Variants in TMEM132D observed in about 807,000 individuals in gnomAD.
The protein encoded by TMEM132D is transmembrane protein 132D, also known as mature OL transmembrane protein.
TMEM132D carries 21 observed loss-of-function variants against 62.3 expected under a neutral mutation model. That is an observed-to-expected ratio of 0.34 (90% CI 0.24 to 0.49). TMEM132D has a LOEUF of 0.49. Among genes scored for constraint, TMEM132D ranks in the 20% least tolerant of loss-of-function variants. TMEM132D has a pLI of 0.99. For synonymous variants in TMEM132D, 621 were observed against 575.6 expected (o/e 1.08, Z -1.13); for missense variants, 1,346 against 1,402.8 (o/e 0.96, Z 0.65).
chr12:129,212,216 G>A (rs768759951), intron 4 of TMEM132D: 15 of 152,180 alleles, frequency 9.9e-5, no homozygotes, highest in Non-Finnish European at 1.3e-4. Flanking sequence ...GAGAAATGAC[G>A]CTGGGAATGA....
chr12:129,850,250 G>A (rs978042573), intron 1 of TMEM132D, among the ~76,000 whole-genome samples: 4 of 152,156 alleles, frequency 2.6e-5, no homozygotes, highest in African/African-American at 9.7e-5. Flanking sequence ...TCACAGACAG[G>A]AGGAAGGAGC....
At chr12:129,087,978 CGGGTGTCCTCCATGACCG>C (rs1874696126) in intron 5 of TMEM132D, among the ~76,000 whole-genome samples, 4 of 49,134 alleles carry the variant, frequency 8.1e-5, no homozygotes, top group Non-Finnish European at 6.8e-5. Flanking sequence ...CCTCCATGAC[CGGGTGTCCTCCATGACCG>C]GGGTGTCCTC....
chr12:129,789,038 C>T (rs1039389079), intron 1 of TMEM132D, among the ~76,000 whole-genome samples: 6 of 152,110 alleles, frequency 3.9e-5, no homozygotes, highest in East Asian at 1.9e-4. Context: ...TTGCAAATCA[C>T]GGATGGTTTT....
At chr12:129,552,687 T>G (rs996281001) in intron 2 of TMEM132D, among the ~76,000 whole-genome samples, 1 of 152,188 alleles carries the variant, frequency 6.6e-6, no homozygotes, top group South Asian at 2.1e-4. Flanking sequence ...ATCCACCTAG[T>G]ATTTATCTGT....
chr12:129,437,769 T>C (rs1346193664), intron 3 of TMEM132D, among the ~76,000 whole-genome samples: 1 of 152,046 alleles, frequency 6.6e-6, no homozygotes, highest in South Asian at 2.1e-4. Flanking sequence ...CCTTAAGTTC[T>C]GGGATACATG....
At chr12:129,093,664 C>T (rs1055082540) in intron 5 of TMEM132D, among the ~76,000 whole-genome samples, 23 of 152,206 alleles carry the variant, frequency 1.5e-4, no homozygotes, top group African/African-American at 4.6e-4. Flanking sequence ...TGACTTTCTT[C>T]GCAGAATTGG....
intron 2 of TMEM132D, among the ~76,000 whole-genome samples, chr12:129,569,037 C>T (rs1005270829): frequency 1.3e-5 from 2 of 152,166 alleles, no homozygotes; most frequent in East Asian, 1.9e-4. Flanking sequence ...CTAACAAATG[C>T]TGCTGGTCCT....
At chr12:129,454,231 A>G (rs1173579765) in intron 3 of TMEM132D, among the ~76,000 whole-genome samples, 1 of 152,244 alleles carries the variant, frequency 6.6e-6, no homozygotes. Context: ...TATTGAGACT[A>G]CACTATGGAA....
intron 1 of TMEM132D, among the ~76,000 whole-genome samples, chr12:129,717,313 T>A (rs764742438): frequency 6.6e-6 from 1 of 152,212 alleles, no homozygotes; most frequent in Non-Finnish European, 1.5e-5. Context: ...TCTTTCATAT[T>A]TGACACATGG....
Position 129,732,063 on chromosome 12 carries a change from T to C in TMEM132D, c.80-31365A>G, listed in dbSNP as rs184951206. Among the ~76,000 whole-genome samples the C allele has an allele frequency of 1.1e-3, 174 of 152,274 alleles. 3 individuals carry two copies. The highest frequency in any genetic ancestry group is 4.0e-3 in the African/African-American group (168 of 41,536). ...TAGGCCGGCCTTAGTGGCTTGCTTC[T>C]AATTCGTAGACTCCTGTAGAAATGA... On this transcript the variant is annotated intron_variant, in intron 1 of 8. Coordinates refer to ENST00000422113, the MANE Select transcript of TMEM132D (RefSeq NM_133448.3).
intron 1 of TMEM132D, among the ~76,000 whole-genome samples, chr12:129,835,879 T>C (rs1211923573): frequency 6.6e-6 from 1 of 152,096 alleles, no homozygotes; most frequent in Non-Finnish European, 1.5e-5. Context: ...CTCTAGGGGC[T>C]CTCTTCCCCA....
In TMEM132D at chr12:129,509,539, C is replaced by T. The variant is rs536548953; in HGVS notation, c.1115+21520G>A. ...GATAAGTTATTACTGACTATAATCA[C>T]CCTGTTGTGCTATCAAATATTAGGT... is the stretch of plus-strand genomic sequence containing the variant. On this transcript the variant is annotated intron_variant, in intron 3 of 8. Transcript: ENST00000422113. 2.0e-5 allele frequency among the ~76,000 whole-genome samples: 3 copies of T among 152,156 alleles called. No homozygotes were observed. In the South Asian group the frequency reaches 6.2e-4, roughly 32 times the overall value.
At chr12:129,314,494 A>G (rs929733292) in intron 4 of TMEM132D, among the ~76,000 whole-genome samples, 6 of 152,202 alleles carry the variant, frequency 3.9e-5, no homozygotes, top group African/African-American at 1.2e-4. Flanking sequence ...TTATACCAGT[A>G]CCATGCTGTT....
chr12:129,743,996 ACAGCAG>A (rs1047743604), intron 1 of TMEM132D, among the ~76,000 whole-genome samples: 1 of 152,188 alleles, frequency 6.6e-6, no homozygotes, highest in Non-Finnish European at 1.5e-5. Flanking sequence ...GCATTTTGTT[ACAGCAG>A]CAGTAGGGAA....
intron 1 of TMEM132D, among the ~76,000 whole-genome samples, chr12:129,871,414 CTGTG>C (rs1200376680): frequency 1.3e-5 from 2 of 152,008 alleles, no homozygotes; most frequent in Non-Finnish European, 2.9e-5. Flanking sequence ...ATATTTCACA[CTGTG>C]TGTGTCCAGC....
chr12:129,876,206 G>A (rs1017508188), intron 1 of TMEM132D, among the ~76,000 whole-genome samples: 3 of 152,134 alleles, frequency 2.0e-5, no homozygotes, highest in Non-Finnish European at 2.9e-5. Context: ...GAAGTGAGCC[G>A]AGAAATGTTA....
chr12:129,637,508 A>T (rs1210342570), intron 2 of TMEM132D, among the ~76,000 whole-genome samples: 1 of 152,012 alleles, frequency 6.6e-6, no homozygotes, highest in Non-Finnish European at 1.5e-5. Flanking sequence ...TCTCACAAGA[A>T]CTGGTTGGTC....
intron 3 of TMEM132D, among the ~76,000 whole-genome samples, chr12:129,412,637 A>G (rs1872001522): frequency 6.6e-6 from 1 of 152,190 alleles, no homozygotes. Context: ...TGGGCAGATC[A>G]CTTGATCAGG....
At chr12:129,281,292 C>T (rs114506747) in intron 4 of TMEM132D, among the ~76,000 whole-genome samples, 2 of 152,132 alleles carry the variant, frequency 1.3e-5, no homozygotes, top group Admixed American at 1.3e-4. Flanking sequence ...TAGTCTTAAC[C>T]AGGAAGGTGT....
Sources: gnomAD v4.1 joint callset for allele counts (sites outside exome capture counted in the v4.1 genomes callset) on GRCh38, gnomAD v4.1.1 for gene constraint, MANE v1.5 for transcripts, NCBI Gene and HGNC (gene_info 2026-07-23, HGNC 2026-07-21) for gene names.